Variants in FA2H observed in about 807,000 individuals in gnomAD.
FA2H encodes the protein fatty acid 2-hydroxylase.
In FA2H, 22 loss-of-function variants were observed where a neutral mutation model predicts 44.9. That is an observed-to-expected ratio of 0.49 (90% CI 0.35 to 0.70). The LOEUF (loss-of-function observed/expected upper bound fraction) is 0.70, where lower values mean the gene tolerates loss of function less well. Among genes scored for constraint, FA2H ranks in the 30% least tolerant of loss-of-function variants. The probability of loss-of-function intolerance (pLI) is 0.01; values close to 1 mark genes in which losing one functional copy is unlikely to be tolerated. For missense variants in FA2H, 501 were observed against 504.9 expected (o/e 0.99, Z 0.07); for synonymous variants, 243 against 213.2 (o/e 1.14, Z -1.22).
intron 4 of FA2H, among the ~76,000 whole-genome samples, chr16:74,723,260 C>T (rs1165385283): frequency 1.3e-5 from 2 of 152,234 alleles, no homozygotes; most frequent in African/African-American, 4.8e-5. Flanking sequence ...ATAGCTCCCC[C>T]TTCTGCCTGC....
At chr16:74,726,426 T>C in intron 3 of FA2H, 95 bp from the exon 4 acceptor site, 1 of 807,024 alleles carries the variant, frequency 1.2e-6, no homozygotes, top group East Asian at 2.7e-5. Flanking sequence ...TTCACTCTTG[T>C]TGCCCAGGCT....
At chr16:74,772,624 A>G (rs984837776) in intron 1 of FA2H, among the ~76,000 whole-genome samples, 3 of 152,178 alleles carry the variant, frequency 2.0e-5, no homozygotes, top group African/African-American at 4.8e-5. Flanking sequence ...TCAACCAAAG[A>G]TCTAAGAGTA....
chr16:74,723,419 T>G (rs955555079), intron 4 of FA2H, among the ~76,000 whole-genome samples: 1 of 152,192 alleles, frequency 6.6e-6, no homozygotes, highest in Non-Finnish European at 1.5e-5. Context: ...ACCGAAGCTC[T>G]ACACCAACTC....
chr16:74,774,272 G>T (rs2144671967), intron 1 of FA2H, among the ~76,000 whole-genome samples: 1 of 152,200 alleles, frequency 6.6e-6, no homozygotes, highest in East Asian at 1.9e-4. Flanking sequence ...GGCGGTAAGG[G>T]TGGAAAGGAA....
chr16:74,729,469 G>A (rs1451395681), intron 2 of FA2H, among the ~76,000 whole-genome samples: 1 of 152,200 alleles, frequency 6.6e-6, no homozygotes, highest in African/African-American at 2.4e-5. Flanking sequence ...GCATTTGAAT[G>A]TTTTCTAATG....
At chr16:74,772,148 C>A (rs532700616) in intron 1 of FA2H, among the ~76,000 whole-genome samples, 2 of 152,160 alleles carry the variant, frequency 1.3e-5, no homozygotes, top group South Asian at 2.1e-4. Flanking sequence ...GGCCTCCCCC[C>A]ACATCCCTGT....
intron 1 of FA2H, among the ~76,000 whole-genome samples, chr16:74,763,258 T>C (rs1389382276): frequency 6.6e-6 from 1 of 151,662 alleles, no homozygotes; most frequent in African/African-American, 2.4e-5. Context: ...ACGTTTGGAA[T>C]TTTTTTTTGT....
At chr16:74,766,441 C>A (rs905505531) in intron 1 of FA2H, among the ~76,000 whole-genome samples, 17 of 152,214 alleles carry the variant, frequency 1.1e-4, no homozygotes, top group African/African-American at 3.9e-4. Context: ...AGGATTCAAG[C>A]TGGACTTAAG....
At chr16:74,718,911 A>G in intron 5 of FA2H, 77 bp downstream of exon 5, 1 of 1,528,924 alleles carries the variant, frequency 6.5e-7, no homozygotes. Flanking sequence ...GCTCCGCAGC[A>G]CCTGAAGCTG....
intron 2 of FA2H, among the ~76,000 whole-genome samples, chr16:74,737,573 C>A (rs570216690): frequency 6.6e-6 from 1 of 152,162 alleles, no homozygotes; most frequent in Non-Finnish European, 1.5e-5. Flanking sequence ...TCCCAGCATT[C>A]TCACTCACCC....
At position 74,716,506 on chromosome 16, in the gene FA2H, C is replaced by T. The variant is rs1248808668; in HGVS notation, c.880G>A (p.Glu294Lys). The T allele has an allele frequency of 3.1e-6, 5 of 1,613,632 alleles. No individual in the cohort carries two copies. The highest frequency in any genetic ancestry group is 2.2e-5 in the East Asian group (1 of 44,776). ...FYLCMQLILP[E>K]AVGGTVFAGG... ...GCAAACACAGTGCCCCCTACTGCCT[C>T]GGGCAGGATGAGCTGCATGCACAAG... The change falls in exon 6 of 7, where the codon GAG (glutamate) becomes AAG (lysine). Residue 294 changes from glutamate to lysine, a missense_variant. Transcript: ENST00000219368.
In FA2H at chr16:74,754,108, T is replaced by C. The variant is rs140510500; in HGVS notation, c.271-13993A>G. 3.2e-3 allele frequency among the ~76,000 whole-genome samples: 485 copies of C among 152,290 alleles called. 2 individuals are homozygous for C. The highest frequency in any genetic ancestry group is 0.011 in the African/African-American group (446 of 41,566). On this transcript the variant is annotated intron_variant, in intron 1 of 6. Coordinates refer to ENST00000219368, the MANE Select transcript of FA2H (RefSeq NM_024306.5). ...GGCAGAAGTTGTTTAATAATAACTG[T>C]ATTGGGGCCAGGCACAGTGGCTCAC...
intron 4 of FA2H, 68 bp downstream of exon 4, chr16:74,726,157 C>T: frequency 9.3e-7 from 1 of 1,072,744 alleles, no homozygotes; most frequent in South Asian, 1.3e-5. Flanking sequence ...AACTCTGGGC[C>T]AGGGAAAGCA....
chr16:74,758,991 C>T (rs1404369707), intron 1 of FA2H, among the ~76,000 whole-genome samples: 1 of 152,190 alleles, frequency 6.6e-6, no homozygotes, highest in Non-Finnish European at 1.5e-5. Flanking sequence ...TGGCTCTGCA[C>T]TAAAGTTCAT....
At chr16:74,749,205 C>A (rs1003448194) in intron 1 of FA2H, among the ~76,000 whole-genome samples, 2 of 152,218 alleles carry the variant, frequency 1.3e-5, no homozygotes, top group African/African-American at 4.8e-5. Context: ...ATGAAGGCAG[C>A]GGATCCGCTT....
At chr16:74,758,785 A>G (rs1962658706) in intron 1 of FA2H, among the ~76,000 whole-genome samples, 1 of 152,176 alleles carries the variant, frequency 6.6e-6, no homozygotes, top group Non-Finnish European at 1.5e-5. Flanking sequence ...AAATAATTTA[A>G]AAAAATGCAA....
chr16:74,765,262 C>T (rs1029354854), intron 1 of FA2H, among the ~76,000 whole-genome samples: 44 of 151,688 alleles, frequency 2.9e-4, no homozygotes, highest in African/African-American at 1.0e-3. Context: ...GTTCAAGCGA[C>T]TCTCCTGCCT....
chr16:74,752,102 C>CA (rs1962536241), intron 1 of FA2H, among the ~76,000 whole-genome samples: 1 of 152,166 alleles, frequency 6.6e-6, no homozygotes. Flanking sequence ...CTAATGGTTC[C>CA]ATGTCCACGA....
At chr16:74,762,467 G>A (rs1962732322) in intron 1 of FA2H, among the ~76,000 whole-genome samples, 1 of 152,172 alleles carries the variant, frequency 6.6e-6, no homozygotes, top group African/African-American at 2.4e-5. Flanking sequence ...CTTTTTTAAA[G>A]ATAATCAATT....
Sources: gnomAD v4.1 joint callset for allele counts (sites outside exome capture counted in the v4.1 genomes callset) on GRCh38, gnomAD v4.1.1 for gene constraint, MANE v1.5 for transcripts, NCBI Gene and HGNC (gene_info 2026-07-23, HGNC 2026-07-21) for gene names.